The following AGTPBP1 variants were observed in gnomAD, a reference collection of about 807,000 sequenced individuals.
AGTPBP1 encodes the protein ATP/GTP binding carboxypeptidase 1.
AGTPBP1 carries 70 observed loss-of-function variants against 143.9 expected under a neutral mutation model. The ratio of observed to expected loss-of-function variants is 0.49; its 90% CI spans 0.40 to 0.59. The LOEUF (loss-of-function observed/expected upper bound fraction) is 0.59, where lower values mean the gene tolerates loss of function less well. Among genes scored for constraint, AGTPBP1 ranks in the 20% least tolerant of loss-of-function variants. The pLI, the probability that AGTPBP1 is intolerant of heterozygous loss-of-function variation, is 0.00. For missense variants in AGTPBP1, 1,229 were observed against 1,464.5 expected, an observed-to-expected ratio of 0.84 and a Z score of 2.62; for synonymous variants, 463 against 500.2, an observed-to-expected ratio of 0.93 and a Z score of 0.99.
At chr9:85,556,915 A>G (rs575803000) in intron 25 of AGTPBP1, among the ~76,000 whole-genome samples, 21 of 152,298 alleles carry the variant, frequency 1.4e-4, no homozygotes, top group Admixed American at 3.9e-4. Context: ...TCCAAAAACC[A>G]TTACAATGTG....
intron 4 of AGTPBP1, among the ~76,000 whole-genome samples, chr9:85,679,054 A>G (rs532200836): frequency 5.4e-4 from 82 of 152,332 alleles, no homozygotes; most frequent in African/African-American, 1.9e-3. Context: ...AAATTTAACT[A>G]AGGATATATA....
intron 1 of AGTPBP1, among the ~76,000 whole-genome samples, chr9:85,720,743 T>A (rs1046797968): frequency 6.6e-6 from 1 of 152,180 alleles, no homozygotes; most frequent in Non-Finnish European, 1.5e-5. Context: ...CTAGTCCTTT[T>A]AATTGTGATG....
At chr9:85,547,368 A>C in intron 25 of AGTPBP1, 82 bp from the exon 26 acceptor site, 1 of 1,189,394 alleles carries the variant, frequency 8.4e-7, no homozygotes, top group Non-Finnish European at 1.1e-6. Context: ...ATACTGGACT[A>C]ACTTTGATTC....
At chr9:85,799,195 G>A in the AGTPBP1 span, among the ~76,000 whole-genome samples, 2 of 152,134 alleles carry the variant, frequency 1.3e-5, no homozygotes, top group African/African-American at 4.8e-5. Flanking sequence ...ATTCCATGGT[G>A]TATATGTGCC....
At chr9:85,559,309 T>G (rs1213400371) in intron 25 of AGTPBP1, among the ~76,000 whole-genome samples, 1 of 152,148 alleles carries the variant, frequency 6.6e-6, no homozygotes, top group Non-Finnish European at 1.5e-5. Context: ...CCTGGGAATA[T>G]ATAACATAAT....
At chr9:85,556,038 T>C (rs1027080887) in intron 25 of AGTPBP1, among the ~76,000 whole-genome samples, 12 of 152,204 alleles carry the variant, frequency 7.9e-5, no homozygotes, top group Non-Finnish European at 1.8e-4. Context: ...TGGGAACTAG[T>C]CTTAGTACCC....
At chr9:85,800,515 A>T in the AGTPBP1 span, among the ~76,000 whole-genome samples, 3 of 151,942 alleles carry the variant, frequency 2.0e-5, no homozygotes, top group Non-Finnish European at 2.9e-5. Flanking sequence ...TTCAGCGGGG[A>T]TCTCTTTCCC....
At chr9:85,749,395 C>A in the AGTPBP1 span, among the ~76,000 whole-genome samples, 2 of 152,070 alleles carry the variant, frequency 1.3e-5, no homozygotes, top group Non-Finnish European at 2.9e-5. Context: ...ACAGACTTTC[C>A]CAAAGATATA....
intron 3 of AGTPBP1, among the ~76,000 whole-genome samples, chr9:85,689,039 T>A (rs1835674027): frequency 6.6e-6 from 1 of 152,234 alleles, no homozygotes; most frequent in Non-Finnish European, 1.5e-5. Flanking sequence ...TATACACCTT[T>A]ACAGTCATAT....
the AGTPBP1 span, among the ~76,000 whole-genome samples, chr9:85,758,593 G>A: frequency 3.9e-5 from 6 of 152,216 alleles, no homozygotes; most frequent in South Asian, 1.0e-3. Flanking sequence ...GCAGTGAGCC[G>A]AGACCATGCC....
In AGTPBP1 at chr9:85,712,551, C is replaced by T; in HGVS notation, c.-18G>A. The T allele has an allele frequency of 6.8e-7, 1 of 1,467,860 alleles. No individual in the cohort carries two copies. Among genetic ancestry groups the T allele is most frequent in the Non-Finnish European group, 9.2e-7 (1 of 1,091,564 alleles). The allele number at this position is 1,467,860 out of a possible 1,614,324, so 90.9% of individuals were successfully genotyped here. On this transcript the variant is annotated 5_prime_UTR_variant, in exon 2 of 26. It removes an upstream start codon present in the reference 5' UTR. Transcript: ENST00000357081. ...TTGCTCATCTTGAGTTACTTCATTT[C>T]ATAATTGCAGATAATCTAAAAGAAA... is the stretch of plus-strand genomic sequence containing the variant.
chr9:85,656,876 G>A (rs949035345), intron 10 of AGTPBP1, among the ~76,000 whole-genome samples: 1 of 152,132 alleles, frequency 6.6e-6, no homozygotes, highest in Non-Finnish European at 1.5e-5. Flanking sequence ...CATGAGAGGA[G>A]CAAACAACAC....
intron 1 of AGTPBP1, among the ~76,000 whole-genome samples, chr9:85,723,461 G>C (rs1286518848): frequency 2.0e-5 from 3 of 152,208 alleles, no homozygotes; most frequent in Non-Finnish European, 4.4e-5. Flanking sequence ...TGCTGCACTA[G>C]CTGTGAGCAA....
chr9:85,652,209 G>A (rs981678010), intron 11 of AGTPBP1, among the ~76,000 whole-genome samples: 1 of 152,020 alleles, frequency 6.6e-6, no homozygotes, highest in African/African-American at 2.4e-5. Context: ...CTAAACAATG[G>A]TATAAAAGCT....
chr9:85,596,243 A>G (rs1450782128), intron 18 of AGTPBP1, 119 bp downstream of exon 18: 2 of 666,308 alleles, frequency 3.0e-6, no homozygotes, highest in South Asian at 2.3e-5. Flanking sequence ...ACTAAAGCAT[A>G]GCACCACAAT....
intron 2 of AGTPBP1, among the ~76,000 whole-genome samples, chr9:85,702,511 C>A (rs62570561): frequency 0.015 from 2,255 of 151,666 alleles, 24 homozygotes; most frequent in Middle Eastern, 0.038. Flanking sequence ...AATATCATCT[C>A]TCAATTTATC....
intron 12 of AGTPBP1, among the ~76,000 whole-genome samples, chr9:85,644,320 T>C (rs550941003): frequency 2.8e-4 from 42 of 151,990 alleles, no homozygotes; most frequent in Middle Eastern, 3.4e-3. Context: ...GAATACATAA[T>C]GTTTCTAAAA....
chr9:85,610,192 G>A (rs1186870381), intron 17 of AGTPBP1, among the ~76,000 whole-genome samples: 2 of 152,180 alleles, frequency 1.3e-5, no homozygotes, highest in Non-Finnish European at 2.9e-5. Context: ...AGAAATCTGA[G>A]AGAAACAAAG....
At chr9:85,630,383 C>CTTATTTATTTATTTAT (rs1831580594) in intron 14 of AGTPBP1, among the ~76,000 whole-genome samples, 1 of 143,558 alleles carries the variant, frequency 7.0e-6, no homozygotes, top group African/African-American at 2.7e-5. Flanking sequence ...GACTTACTTA[C>CTTATTTATTTATTTAT]TTACTTACTT....
Sources: gnomAD v4.1 joint callset for allele counts (sites outside exome capture counted in the v4.1 genomes callset) on GRCh38, gnomAD v4.1.1 for gene constraint, MANE v1.5 for transcripts, NCBI Gene and HGNC (gene_info 2026-07-23, HGNC 2026-07-21) for gene names.